The following CSMD3 variants were observed in gnomAD, a reference collection of about 807,000 sequenced individuals.
CSMD3 encodes CUB and Sushi multiple domains 3, also known as CUB and sushi domain-containing protein 3.
CSMD3 carries 177 observed loss-of-function variants against 435.2 expected under a neutral mutation model. The observed-to-expected ratio is 0.41, with a 90% CI of 0.36 to 0.46. The LOEUF is 0.46. CSMD3 is among the 20% of genes least tolerant of loss of function. CSMD3 has a pLI of 0.34. For missense variants in CSMD3, 4,265 were observed against 4,504.6 expected, an observed-to-expected ratio of 0.95 and a Z score of 1.52; for synonymous variants, 1,656 against 1,520.5, an observed-to-expected ratio of 1.09 and a Z score of -2.07.
chr8:113,308,233 T>C (rs2093837305), intron 2 of CSMD3, among the ~76,000 whole-genome samples: 2 of 144,476 alleles, frequency 1.4e-5, no homozygotes, highest in Admixed American at 6.9e-5. Context: ...TTTAGTTCTA[T>C]AAATATCCAG....
At chr8:112,530,840 T>C (rs1304751903) in intron 27 of CSMD3, among the ~76,000 whole-genome samples, 2 of 152,176 alleles carry the variant, frequency 1.3e-5, no homozygotes, top group African/African-American at 4.8e-5. Context: ...CCAGGCAAGA[T>C]AGAAATCTGT....
At chr8:112,794,127 A>T (rs893768715) in intron 13 of CSMD3, among the ~76,000 whole-genome samples, 1 of 151,838 alleles carries the variant, frequency 6.6e-6, no homozygotes, top group African/African-American at 2.4e-5. Context: ...CTTTCTATTC[A>T]TTGGTTCTGC....
intron 16 of CSMD3, among the ~76,000 whole-genome samples, chr8:112,671,651 A>G (rs1034193295): frequency 6.6e-6 from 1 of 152,174 alleles, no homozygotes; most frequent in Non-Finnish European, 1.5e-5. Flanking sequence ...GTTTTGACTT[A>G]TGATCATGAC....
At chr8:112,927,963 T>A (rs1156590403) in intron 9 of CSMD3, among the ~76,000 whole-genome samples, 1 of 152,090 alleles carries the variant, frequency 6.6e-6, no homozygotes, top group Non-Finnish European at 1.5e-5. Context: ...TACTGCCCTA[T>A]TTAATAACCC....
At chr8:113,075,813 G>A (rs1200938742) in intron 5 of CSMD3, among the ~76,000 whole-genome samples, 1 of 151,732 alleles carries the variant, frequency 6.6e-6, no homozygotes, top group African/African-American at 2.4e-5. Context: ...AATTTGTAAA[G>A]TATGCTACTG....
At chr8:113,087,799 C>T (rs2089851681) in intron 5 of CSMD3, among the ~76,000 whole-genome samples, 1 of 152,130 alleles carries the variant, frequency 6.6e-6, no homozygotes, top group South Asian at 2.1e-4. Context: ...TAGGCATGTG[C>T]AGGGACTTCA....
At chr8:113,141,554 A>G (rs1425968772) in intron 4 of CSMD3, among the ~76,000 whole-genome samples, 2 of 151,052 alleles carry the variant, frequency 1.3e-5, no homozygotes, top group Non-Finnish European at 3.0e-5. Flanking sequence ...ATAATTCACC[A>G]TATTTACAGA....
chr8:112,788,944 C>A (rs1046203787), intron 13 of CSMD3, among the ~76,000 whole-genome samples: 1 of 152,088 alleles, frequency 6.6e-6, no homozygotes, highest in Admixed American at 6.6e-5. Flanking sequence ...TTTCATGAGT[C>A]ATGCTTAAAA....
chr8:113,201,036 A>G (rs1456577679), intron 3 of CSMD3, among the ~76,000 whole-genome samples: 1 of 151,906 alleles, frequency 6.6e-6, no homozygotes, highest in East Asian at 2.0e-4. Context: ...GACTATTTGC[A>G]TCTCTCTCAG....
At chr8:113,023,186 A>T (rs192317009) in intron 5 of CSMD3, among the ~76,000 whole-genome samples, 3 of 152,162 alleles carry the variant, frequency 2.0e-5, no homozygotes, top group African/African-American at 7.2e-5. Flanking sequence ...CAAATTTTGT[A>T]GTTTCATCAA....
intron 38 of CSMD3, among the ~76,000 whole-genome samples, chr8:112,357,464 C>A (rs1826729496): frequency 6.6e-6 from 1 of 152,058 alleles, no homozygotes; most frequent in Non-Finnish European, 1.5e-5. Flanking sequence ...AGGAGAAATT[C>A]AAGCCAGCTG....
Position 113,190,250 on chromosome 8 carries a change from G to A in CSMD3, c.515-16334C>T, listed in dbSNP as rs941101559. Among the ~76,000 whole-genome samples, 4 of 151,752 alleles carry A rather than the reference G, an allele frequency of 2.6e-5. No individual in the cohort carries two copies. In the East Asian group the frequency reaches 7.8e-4, roughly 30 times the overall value. On this transcript the variant is annotated intron_variant, in intron 3 of 70. Coordinates refer to ENST00000297405, the MANE Select transcript of CSMD3 (RefSeq NM_198123.2). ...ACTCCTTTTCTCACAGAGCCTGTGAGGTAAACTTGTGAGCAGGTGGTGGAG... is the reference window on the plus strand; with the variant it reads ...ACTCCTTTTCTCACAGAGCCTGTGAAGTAAACTTGTGAGCAGGTGGTGGAG...
At chr8:113,084,567 C>T (rs1588039701) in intron 5 of CSMD3, among the ~76,000 whole-genome samples, 1 of 147,450 alleles carries the variant, frequency 6.8e-6, no homozygotes, top group East Asian at 2.0e-4. Context: ...TATCAAAATA[C>T]CAATGACATT....
intron 1 of CSMD3, among the ~76,000 whole-genome samples, chr8:113,372,987 A>C (rs2094356503): frequency 1.3e-5 from 2 of 151,966 alleles, no homozygotes; most frequent in Non-Finnish European, 2.9e-5. Flanking sequence ...CACAGTTTTT[A>C]AAAAGTAAAA....
chr8:112,696,253 G>A (rs192223611), intron 13 of CSMD3, among the ~76,000 whole-genome samples: 1 of 152,186 alleles, frequency 6.6e-6, no homozygotes, highest in East Asian at 1.9e-4. Flanking sequence ...CCAAAAAAGG[G>A]TCTGCATTGC....
intron 22 of CSMD3, among the ~76,000 whole-genome samples, chr8:112,611,284 G>T (rs1354804027): frequency 6.6e-6 from 1 of 152,102 alleles, no homozygotes; most frequent in African/African-American, 2.4e-5. Context: ...GGTACATCTG[G>T]TTGATGAATA....
At chr8:112,250,259 C>G (rs1815143425) in intron 63 of CSMD3, among the ~76,000 whole-genome samples, 1 of 151,826 alleles carries the variant, frequency 6.6e-6, no homozygotes. Context: ...ATCATTATAA[C>G]AACTGCTTTA....
At chr8:113,278,476 G>T in intron 3 of CSMD3, 116 bp downstream of exon 3, 1 of 676,220 alleles carries the variant, frequency 1.5e-6, no homozygotes. Context: ...ATAAATTTCA[G>T]GACAAGATTT....
chr8:112,356,276 C>G (rs1464047250), intron 38 of CSMD3, among the ~76,000 whole-genome samples: 1 of 152,128 alleles, frequency 6.6e-6, no homozygotes, highest in Non-Finnish European at 1.5e-5. Flanking sequence ...TGAAATCAAC[C>G]TAGGTGCCCA....
Sources: gnomAD v4.1 joint callset for allele counts (sites outside exome capture counted in the v4.1 genomes callset) on GRCh38, gnomAD v4.1.1 for gene constraint, MANE v1.5 for transcripts, NCBI Gene and HGNC (gene_info 2026-07-23, HGNC 2026-07-21) for gene names.